Variants in FAM135B observed in about 807,000 individuals in gnomAD.
FAM135B encodes the protein family with sequence similarity 135 member B.
Under a neutral mutation model 127.7 loss-of-function variants are expected in FAM135B, and 43 were observed. The observed-to-expected ratio is 0.34, with a 90% CI of 0.26 to 0.43. The LOEUF is 0.43. FAM135B is among the 20% of genes least tolerant of loss of function. FAM135B has a pLI of 1.00. For missense variants in FAM135B, 1,558 were observed against 1,725.6 expected, an observed-to-expected ratio of 0.90 and a Z score of 1.72; for synonymous variants, 670 against 665.1, an observed-to-expected ratio of 1.01 and a Z score of -0.11.
Position 138,250,870 on chromosome 8 carries a change from G to A in FAM135B, c.513C>T (p.Ala171=), listed in dbSNP as rs2130483877. The A allele has an allele frequency of 6.2e-7, 1 of 1,613,812 alleles. No individual in the cohort carries two copies. Among genetic ancestry groups the A allele is most frequent in the Non-Finnish European group, 8.5e-7 (1 of 1,179,996 alleles). ...TCAATGGCTGCTGCAGAGCCACCAGGGCAGCATGGACGGTCACCGAGATCA... is the reference window on the plus strand; with the variant it reads ...TCAATGGCTGCTGCAGAGCCACCAGAGCAGCATGGACGGTCACCGAGATCA... ...LSVISVTVHA[A]LVALQQPLIS... Residue 171 remains alanine (A), a synonymous_variant, in exon 6 of 20, where the codon GCC becomes GCT. Coordinates refer to ENST00000395297, the MANE Select transcript of FAM135B (RefSeq NM_015912.4).
At chr8:138,169,668 G>A (rs1820254950) in intron 11 of FAM135B, among the ~76,000 whole-genome samples, 1 of 152,048 alleles carries the variant, frequency 6.6e-6, no homozygotes. Context: ...GGAACTTCTG[G>A]ACCAGTTTTG....
intron 2 of FAM135B, among the ~76,000 whole-genome samples, chr8:138,339,182 T>A (rs952545223): frequency 6.6e-6 from 1 of 151,836 alleles, no homozygotes; most frequent in Non-Finnish European, 1.5e-5. Context: ...ATGGGTGCAG[T>A]ACACCAACAT....
At chr8:138,260,182 C>A (rs1440031485) in intron 4 of FAM135B, among the ~76,000 whole-genome samples, 2 of 152,114 alleles carry the variant, frequency 1.3e-5, no homozygotes, top group Non-Finnish European at 2.9e-5. Flanking sequence ...GAGAACCTGG[C>A]CTTTAATCTT....
At chr8:138,380,001 T>C (rs993427833) in intron 1 of FAM135B, among the ~76,000 whole-genome samples, 21 of 152,188 alleles carry the variant, frequency 1.4e-4, no homozygotes, top group African/African-American at 5.1e-4. Flanking sequence ...TTTAAGGTTC[T>C]GCATTTATTA....
intron 2 of FAM135B, among the ~76,000 whole-genome samples, chr8:138,354,602 G>C (rs1211132219): frequency 6.6e-6 from 1 of 152,096 alleles, no homozygotes; most frequent in Non-Finnish European, 1.5e-5. Flanking sequence ...CTCTTACACT[G>C]TATCAGGAGC....
At chr8:138,300,636 T>A (rs1825815330) in intron 3 of FAM135B, among the ~76,000 whole-genome samples, 1 of 152,112 alleles carries the variant, frequency 6.6e-6, no homozygotes, top group Non-Finnish European at 1.5e-5. Flanking sequence ...TATCAACCTA[T>A]TAGCTACAAT....
rs759993575 is a variant in FAM135B at position 138,442,237 on chromosome 8, CATATAT to C, written c.-20+54428_-20+54433del. Among the ~76,000 whole-genome samples, 114 of 51,908 alleles carry C rather than the reference CATATAT, an allele frequency of 2.2e-3. 4 individuals are homozygous for C. The highest frequency in any genetic ancestry group is 4.5e-3 in the African/African-American group (44 of 9,876). The allele number at this position is 51,908 out of a possible 152,430, so 34.1% of individuals were successfully genotyped here. A position where few individuals can be genotyped will look rare whatever the true frequency, so the allele number is the denominator to read the frequency against. ...AATTTAACGTGAAGAATATGGACAC[CATATAT>C]ATATATATATATATATATATATATA... is the stretch of plus-strand genomic sequence containing the variant. On this transcript the variant is annotated intron_variant, in intron 1 of 19. Transcript: ENST00000395297.
At chr8:138,404,679 C>T (rs1167011190) in intron 1 of FAM135B, among the ~76,000 whole-genome samples, 1 of 152,106 alleles carries the variant, frequency 6.6e-6, no homozygotes, top group Admixed American at 6.6e-5. Context: ...ACCAGGAGTA[C>T]AGTTCATCTC....
At chr8:138,402,409 G>T (rs1253912730) in intron 1 of FAM135B, among the ~76,000 whole-genome samples, 4 of 152,084 alleles carry the variant, frequency 2.6e-5, no homozygotes, top group African/African-American at 7.2e-5. Flanking sequence ...TTTGACCCAG[G>T]TGTGTAAGGA....
At chr8:138,485,761 A>G (rs1455745674) in intron 1 of FAM135B, among the ~76,000 whole-genome samples, 3 of 152,154 alleles carry the variant, frequency 2.0e-5, no homozygotes, top group African/African-American at 7.2e-5. Context: ...TAAAGAACTG[A>G]GGGAAATAGG....
At chr8:138,485,783 G>C (rs1221023145) in intron 1 of FAM135B, among the ~76,000 whole-genome samples, 1 of 152,054 alleles carries the variant, frequency 6.6e-6, no homozygotes, top group South Asian at 2.1e-4. Flanking sequence ...GAGATCACTG[G>C]GCCAGAGGAA....
chr8:138,231,414 G>A (rs1363263324), intron 7 of FAM135B, among the ~76,000 whole-genome samples: 1 of 152,146 alleles, frequency 6.6e-6, no homozygotes, highest in Admixed American at 6.6e-5. Flanking sequence ...TCACACCTGA[G>A]GGGTTTAACA....
chr8:138,348,336 T>A (rs1396719870), intron 2 of FAM135B, among the ~76,000 whole-genome samples: 1 of 152,024 alleles, frequency 6.6e-6, no homozygotes, highest in Non-Finnish European at 1.5e-5. Flanking sequence ...GGTTTCTCCA[T>A]GTTGGGCAGG....
chr8:138,208,966 A>C (rs1299992505), intron 7 of FAM135B, among the ~76,000 whole-genome samples: 1 of 152,200 alleles, frequency 6.6e-6, no homozygotes, highest in Non-Finnish European at 1.5e-5. Context: ...AATACCTATG[A>C]TACATGTTGC....
intron 3 of FAM135B, among the ~76,000 whole-genome samples, chr8:138,284,561 C>T (rs1824521868): frequency 6.6e-6 from 1 of 151,918 alleles, no homozygotes; most frequent in Admixed American, 6.6e-5. Flanking sequence ...CAACTCCTTC[C>T]AGCTCACTGT....
At chr8:138,220,958 T>C (rs1818980750) in intron 7 of FAM135B, among the ~76,000 whole-genome samples, 1 of 152,208 alleles carries the variant, frequency 6.6e-6, no homozygotes, top group South Asian at 2.1e-4. Context: ...TTTTTCAGGC[T>C]TTGGATATCA....
At chr8:138,336,012 T>A (rs1828552576) in intron 2 of FAM135B, among the ~76,000 whole-genome samples, 1 of 151,954 alleles carries the variant, frequency 6.6e-6, no homozygotes, top group South Asian at 2.1e-4. Context: ...GACTACTGGG[T>A]ACATAATGAA....
rs111527525 is a variant in FAM135B, at chr8:138,339,335, C to T, written c.78-28415G>A. Among the ~76,000 whole-genome samples, 881 of 143,076 alleles carry T rather than the reference C, an allele frequency of 6.2e-3. 7 individuals are homozygous for T. Among genetic ancestry groups the T allele is most frequent in the African/African-American group, 0.022 (825 of 37,954 alleles). The allele number at this position is 143,076 out of a possible 152,430, so 93.9% of individuals were successfully genotyped here. Reference sequence around the variant, plus strand: ...TTACTCAGATTTGATAAGTCAGTTGCATCCTGTTTAAAAAACTAACTAAAT... The same window carrying T: ...TTACTCAGATTTGATAAGTCAGTTGTATCCTGTTTAAAAAACTAACTAAAT... On this transcript the variant is annotated intron_variant, in intron 2 of 19. Coordinates refer to ENST00000395297, the MANE Select transcript of FAM135B (RefSeq NM_015912.4).
chr8:138,253,447 G>A (rs6421011), intron 5 of FAM135B, among the ~76,000 whole-genome samples: 78,207 of 151,998 alleles, frequency 0.51, 20,416 homozygotes, highest in African/African-American at 0.59. Context: ...TGCACTCTAC[G>A]ATGTGAAGCA....
Sources: gnomAD v4.1 joint callset for allele counts (sites outside exome capture counted in the v4.1 genomes callset) on GRCh38, gnomAD v4.1.1 for gene constraint, MANE v1.5 for transcripts, NCBI Gene and HGNC (gene_info 2026-07-23, HGNC 2026-07-21) for gene names.